MKRN1: variants seen among roughly 807,000 people sequenced by gnomAD.
MKRN1 encodes the protein E3 ubiquitin-protein ligase makorin-1.
MKRN1 carries 9 observed loss-of-function variants against 55.5 expected under a neutral mutation model. That is an observed-to-expected ratio of 0.16 (90% CI 0.10 to 0.28). The LOEUF (loss-of-function observed/expected upper bound fraction) is 0.28, where lower values mean the gene tolerates loss of function less well. Ranked by LOEUF, MKRN1 falls within the 10% of genes least tolerant of loss-of-function variation. MKRN1 has a pLI of 1.00. For synonymous variants in MKRN1, 253 were observed against 235.9 expected (o/e 1.07, Z -0.66); for missense variants, 488 against 626.7 (o/e 0.78, Z 2.36).
Position 140,454,305 on chromosome 7 carries a change from G to A in MKRN1, c.*212C>T. 3.4e-6 allele frequency: 2 copies of A among 586,624 alleles called. No individual in the cohort carries two copies. The highest frequency in any genetic ancestry group is 6.1e-6 in the Non-Finnish European group (2 of 329,734). 36.3% of individuals were successfully genotyped at this position (586,624 alleles called of 1,614,324 possible). A position where few individuals can be genotyped will look rare whatever the true frequency, so the allele number is the denominator to read the frequency against. On this transcript the variant is annotated 3_prime_UTR_variant, in exon 8 of 8. Coordinates refer to ENST00000255977, the MANE Select transcript of MKRN1 (RefSeq NM_013446.4). ...TCGTGTTACAAAAAACTAACTTTAAGATTTATTTTTGTAACTTTTTTCAAC... is the reference window on the plus strand; with the variant it reads ...TCGTGTTACAAAAAACTAACTTTAAAATTTATTTTTGTAACTTTTTTCAAC...
In MKRN1 at chr7:140,466,962, GTTCCT is replaced by G. The variant is rs1312987100; in HGVS notation, c.314+4916_314+4920del. Reference sequence around the variant, plus strand: ...AGAAACAAACAACAAACCAATTAAGGTTCCTTTCAACTTTTTCTTTTTTTTTTTTT... The same window carrying G: ...AGAAACAAACAACAAACCAATTAAGGTTCAACTTTTTCTTTTTTTTTTTTT... On this transcript the variant is annotated intron_variant, in intron 2 of 7. Transcript: ENST00000255977. 7.4e-5 allele frequency among the ~76,000 whole-genome samples: 11 copies of G among 149,296 alleles called. No individual in the cohort carries two copies. In the East Asian group the frequency reaches 2.1e-3, roughly 29 times the overall value.
At position 140,453,135 on chromosome 7, in the gene MKRN1, G is replaced by GT. The variant is rs1322315832; in HGVS notation, c.*1381dup. On this transcript the variant is annotated 3_prime_UTR_variant, in exon 8 of 8. Coordinates refer to ENST00000255977, the MANE Select transcript of MKRN1 (RefSeq NM_013446.4). ...ACAGAGACCTCTGCAACAATTATTT[G>GT]TTTTTTCTTAAAGTGAAAGAATGGG... 6.6e-6 allele frequency: 1 copy of GT among 152,514 alleles called. No individual in the cohort carries two copies. The highest frequency in any genetic ancestry group is 1.5e-5 in the Non-Finnish European group (1 of 68,028). 9.4% of individuals were successfully genotyped at this position (152,514 alleles called of 1,614,324 possible).
Position 140,455,277 on chromosome 7 carries a change from G to A in MKRN1, c.1098-44C>T, listed in dbSNP as rs1794434673. On this transcript the variant is annotated intron_variant, in intron 6 of 7. Coordinates refer to ENST00000255977, the MANE Select transcript of MKRN1 (RefSeq NM_013446.4). ...CAACCCTTATTCACAGTGGATTTCA[G>A]GTCTGTATTTGACTATCATCCGGGG... 6 of 1,611,036 alleles carry A rather than the reference G, an allele frequency of 3.7e-6. No individual in the cohort carries two copies. In the East Asian group the frequency reaches 1.3e-4, roughly 36 times the overall value.
chr7:140,476,471 CA>C lies in MKRN1; in HGVS notation c.185+2688del, dbSNP rs59392050. 3.2e-3 allele frequency among the ~76,000 whole-genome samples: 232 copies of C among 72,556 alleles called. 1 individual carries two copies. Among genetic ancestry groups the C allele is most frequent in the African/African-American group, 0.01 (164 of 16,306 alleles). 47.6% of individuals were successfully genotyped at this position (72,556 alleles called of 152,430 possible). A position where few individuals can be genotyped will look rare whatever the true frequency, so the allele number is the denominator to read the frequency against. On this transcript the variant is annotated intron_variant, in intron 1 of 7. Transcript: ENST00000255977. ...TGGGCGACAGAGCGACACTCCATCT[CA>C]AAAAAAAAAAAAAAAAAGGAAGATA...
rs190090121 is a variant in MKRN1, at chr7:140,460,140, G to A, written c.315-204C>T. On this transcript the variant is annotated intron_variant, in intron 2 of 7. Coordinates refer to ENST00000255977, the MANE Select transcript of MKRN1 (RefSeq NM_013446.4). ...GGCGCACCTGTAATCCCAACTACTC[G>A]GGAGGCTGAGGTAGGAGAATCACTT... 1,060 of 573,214 alleles carry A rather than the reference G, an allele frequency of 1.8e-3. 13 individuals carry two copies. Among genetic ancestry groups the A allele is most frequent in the African/African-American group, 0.017 (928 of 53,070 alleles). The allele number at this position is 573,214 out of a possible 1,614,324, so 35.5% of individuals were successfully genotyped here. A position where few individuals can be genotyped will look rare whatever the true frequency, so the allele number is the denominator to read the frequency against.
At chr7:140,458,136 A>C (rs943793293) in intron 4 of MKRN1, among the ~76,000 whole-genome samples, 4 of 152,244 alleles carry the variant, frequency 2.6e-5, no homozygotes, top group Admixed American at 2.6e-4. Context: ...CGTAAAGCAG[A>C]GTTCCTATGT....
At chr7:140,470,800 C>A (rs1794901085) in intron 2 of MKRN1, among the ~76,000 whole-genome samples, 1 of 151,674 alleles carries the variant, frequency 6.6e-6, no homozygotes, top group Non-Finnish European at 1.5e-5. Flanking sequence ...AGATGTAATC[C>A]CATCTACTTG....
chr7:140,472,233 G>A (rs959835165), intron 1 of MKRN1: 12 of 516,416 alleles, frequency 2.3e-5, no homozygotes, highest in African/African-American at 1.9e-4. Context: ...CCAGCGGTTC[G>A]AGACCAGCCT....
chr7:140,458,772 C>T (rs774251565), intron 4 of MKRN1, among the ~76,000 whole-genome samples: 3 of 152,196 alleles, frequency 2.0e-5, no homozygotes, highest in African/African-American at 7.2e-5. Context: ...CCTCTTGCCT[C>T]AGCCTAACAA....
intron 1 of MKRN1, among the ~76,000 whole-genome samples, chr7:140,477,133 CTCTA>C (rs1795146331): frequency 1.3e-5 from 2 of 151,086 alleles, no homozygotes; most frequent in African/African-American, 4.9e-5. Context: ...GTTGACATTC[CTCTA>C]TCTAAAGGAG....
At chr7:140,466,067 G>T (rs1024179147) in intron 2 of MKRN1, among the ~76,000 whole-genome samples, 2 of 151,970 alleles carry the variant, frequency 1.3e-5, no homozygotes, top group South Asian at 4.2e-4. Context: ...GTGACAGAGC[G>T]AGACTCCATC....
chr7:140,455,441 T>C, intron 6 of MKRN1: 1 of 616,816 alleles, frequency 1.6e-6, no homozygotes. Flanking sequence ...TGCTGGTTAA[T>C]AGCTCTAGTA....
rs942701976 is a variant in MKRN1, at chr7:140,475,250, C to T, written c.186-3239G>A. On this transcript the variant is annotated intron_variant, in intron 1 of 7. Coordinates refer to ENST00000255977, the MANE Select transcript of MKRN1 (RefSeq NM_013446.4). ...CCCAGCTTCTCGGAAGGCTGAGGCA[C>T]CAGAATTCCTTGAACCCAGGAGGCA... 7.1e-6 allele frequency: 3 copies of T among 419,884 alleles called. No homozygotes were observed. In the East Asian group the frequency reaches 2.8e-4, roughly 39 times the overall value. 26.0% of individuals were successfully genotyped at this position (419,884 alleles called of 1,614,324 possible).
intron 1 of MKRN1, chr7:140,474,444 G>C (rs73489099): frequency 5.6e-5 from 20 of 358,018 alleles, no homozygotes; most frequent in Admixed American, 6.0e-5. Context: ...GGTTGGGGGG[G>C]GCCCAGAGGT....
chr7:140,479,469 T>G lies in MKRN1; in HGVS notation c.-125A>C, dbSNP rs536555446. ...GAAGGACACTGAGGCACCCGTTCGGTCCCCGCCTGCTACGCGTCGCGTATC... is the reference window on the plus strand; with the variant it reads ...GAAGGACACTGAGGCACCCGTTCGGGCCCCGCCTGCTACGCGTCGCGTATC... On this transcript the variant is annotated 5_prime_UTR_variant, in exon 1 of 8. Coordinates refer to ENST00000255977, the MANE Select transcript of MKRN1 (RefSeq NM_013446.4). 50 of 1,009,382 alleles carry G rather than the reference T, an allele frequency of 5.0e-5. No individual in the cohort carries two copies. The African/African-American group carries it at 8.4e-4, about 17-fold the overall frequency. The allele number at this position is 1,009,382 out of a possible 1,614,324, so 62.5% of individuals were successfully genotyped here.
chr7:140,458,944 G>A (rs1205901171), intron 4 of MKRN1, 63 bp downstream of exon 4: 15 of 1,525,100 alleles, frequency 9.8e-6, no homozygotes, highest in Admixed American at 3.4e-5. Context: ...AACCCACAAT[G>A]CTGTGAAAGG....
intron 1 of MKRN1, among the ~76,000 whole-genome samples, chr7:140,474,867 C>T (rs1451601359): frequency 2.0e-5 from 3 of 151,660 alleles, no homozygotes; most frequent in Non-Finnish European, 2.9e-5. Flanking sequence ...TACAGGTGCC[C>T]GCCACCACGC....
chr7:140,467,002 A>C (rs1212733536), intron 2 of MKRN1, among the ~76,000 whole-genome samples: 2 of 148,922 alleles, frequency 1.3e-5, no homozygotes, highest in African/African-American at 5.0e-5. Context: ...TTTGAGACAG[A>C]GTTTCGCTCT....
chr7:140,470,217 C>T (rs1284464157), intron 2 of MKRN1, among the ~76,000 whole-genome samples: 1 of 143,020 alleles, frequency 7.0e-6, no homozygotes, highest in Admixed American at 7.0e-5. Context: ...AAAACTCCGT[C>T]TTGAAAAAAA....
Sources: allele counts gnomAD v4.1 joint callset (sites outside exome capture counted in the v4.1 genomes callset), GRCh38; gene constraint gnomAD v4.1.1; transcripts MANE v1.5; gene names NCBI Gene and HGNC (gene_info 2026-07-23, HGNC 2026-07-21).